The following KAT6A variants were observed in gnomAD, a reference collection of about 807,000 sequenced individuals.
The protein encoded by KAT6A is histone acetyltransferase KAT6A.
A neutral mutation model predicts 198.4 loss-of-function variants in KAT6A; 9 were observed. That is an observed-to-expected ratio of 0.05 (90% CI 0.03 to 0.08). The LOEUF (loss-of-function observed/expected upper bound fraction) is 0.08, where lower values mean the gene tolerates loss of function less well. Among genes scored for constraint, KAT6A ranks in the 10% least tolerant of loss-of-function variants. The probability of loss-of-function intolerance (pLI) is 1.00; values close to 1 mark genes in which losing one functional copy is unlikely to be tolerated. For missense variants in KAT6A, 2,077 were observed against 2,509.9 expected (o/e 0.83, Z 3.69); for synonymous variants, 890 against 883.0 (o/e 1.01, Z -0.14).
intron 2 of KAT6A, among the ~76,000 whole-genome samples, chr8:41,996,465 C>T (rs993484768): frequency 6.6e-6 from 1 of 152,184 alleles, no homozygotes; most frequent in Non-Finnish European, 1.5e-5. Context: ...TGAGCACATC[C>T]TACCATAGAT....
intron 2 of KAT6A, among the ~76,000 whole-genome samples, chr8:42,004,616 C>T (rs1384297324): frequency 6.6e-6 from 1 of 152,076 alleles, no homozygotes; most frequent in Non-Finnish European, 1.5e-5. Flanking sequence ...ATTCACAATG[C>T]TGATCGACAG....
intron 3 of KAT6A, among the ~76,000 whole-genome samples, chr8:41,983,729 T>TATA (rs1450053545): frequency 3.9e-5 from 6 of 152,226 alleles, no homozygotes; most frequent in African/African-American, 9.6e-5. Context: ...AAAACTATGA[T>TATA]ATAATATGCA....
Position 41,934,411 on chromosome 8 carries a change from A to C in KAT6A, c.3809T>G (p.Val1270Gly), listed in dbSNP as rs535709534. Reference sequence around the variant, plus strand: ...ACGGGGCTTCTCTTCTTCCTCCTCCACCTCAGGCTCCTTGGTTTCGGTCTC... The same window carrying C: ...ACGGGGCTTCTCTTCTTCCTCCTCCCCCTCAGGCTCCTTGGTTTCGGTCTC... Reference protein sequence around the residue: ...SPETETKEPEVEEEEEKPRVS... With the variant: ...SPETETKEPEGEEEEEKPRVS... Residue 1270 changes from valine to glycine, a missense_variant, in exon 17 of 17, where the codon GTG becomes GGG. Around this residue, in one of 13 missense-constraint regions of KAT6A, gnomAD observed 375 missense variants for 383.0 expected, o/e 0.98. Coordinates refer to ENST00000265713, the MANE Select transcript of KAT6A (RefSeq NM_006766.5). 37 of 1,610,198 alleles carry C rather than the reference A, an allele frequency of 2.3e-5. No homozygotes were observed. In the Admixed American group the frequency reaches 4.7e-4, roughly 21 times the overall value.
chr8:41,959,809 T>C (rs187171171), intron 8 of KAT6A, among the ~76,000 whole-genome samples: 3 of 151,944 alleles, frequency 2.0e-5, no homozygotes, highest in Non-Finnish European at 4.4e-5. Flanking sequence ...ATACAATAAT[T>C]AGCTGGGTGT....
chr8:41,953,330 C>T (rs11991402), intron 9 of KAT6A, among the ~76,000 whole-genome samples: 41,658 of 151,998 alleles, frequency 0.27, 6,816 homozygotes, highest in African/African-American at 0.43. Context: ...CTATAGTCTC[C>T]GGAACAGTTG....
chr8:41,957,079 C>G (rs369125173), intron 8 of KAT6A: 113 of 601,858 alleles, frequency 1.9e-4, no homozygotes, highest in Admixed American at 5.4e-4. Context: ...GTTTGAGGGT[C>G]TTCCCATCAG....
chr8:41,964,405 C>T (rs1823355302), intron 8 of KAT6A, among the ~76,000 whole-genome samples: 1 of 152,092 alleles, frequency 6.6e-6, no homozygotes, highest in South Asian at 2.1e-4. Flanking sequence ...ACTGGGAATA[C>T]ACCTTTCCAA....
At chr8:41,962,283 C>T (rs978168750) in intron 8 of KAT6A, among the ~76,000 whole-genome samples, 1 of 152,056 alleles carries the variant, frequency 6.6e-6, no homozygotes, top group African/African-American at 2.4e-5. Flanking sequence ...CTTTGAACTC[C>T]AGAGACACAT....
chr8:41,946,052 G>C (rs1483709737), intron 12 of KAT6A, among the ~76,000 whole-genome samples: 2 of 150,826 alleles, frequency 1.3e-5, no homozygotes, highest in Admixed American at 1.3e-4. Context: ...AAAAAAATTC[G>C]TGTCCAACCA....
chr8:41,944,112 G>C, intron 12 of KAT6A, 133 bp from the exon 13 acceptor site: 1 of 619,092 alleles, frequency 1.6e-6, no homozygotes, highest in Non-Finnish European at 2.8e-6. Flanking sequence ...AAAAAAAAGA[G>C]AGAAACAAAT....
intron 2 of KAT6A, 30 bp from the exon 3 acceptor site, chr8:41,987,593 A>G (rs1824686741): frequency 1.6e-6 from 2 of 1,248,956 alleles, no homozygotes; most frequent in South Asian, 1.2e-5. Flanking sequence ...TCATTCCAGT[A>G]CTAATACTTT....
At chr8:41,957,993 C>G (rs1467861644) in intron 8 of KAT6A, 3 of 152,210 alleles carry the variant, frequency 2.0e-5, no homozygotes, top group African/African-American at 7.2e-5. Context: ...TCTCACTTGC[C>G]CTTCCCTCTC....
At chr8:41,974,475 G>C (rs1209580252) in intron 8 of KAT6A, 3 of 352,152 alleles carry the variant, frequency 8.5e-6, no homozygotes, top group Non-Finnish European at 1.5e-5. Context: ...AATAAACCAA[G>C]CTTATTTAAT....
At chr8:42,037,887 G>A (rs1323872529) in intron 2 of KAT6A, among the ~76,000 whole-genome samples, 1 of 152,100 alleles carries the variant, frequency 6.6e-6, no homozygotes, top group Non-Finnish European at 1.5e-5. Context: ...TGAAGTGTTA[G>A]TCATAAAGAC....
intron 14 of KAT6A, 195 bp downstream of exon 14, chr8:41,942,598 T>A: frequency 1.6e-6 from 1 of 627,554 alleles, no homozygotes; most frequent in African/African-American, 1.8e-5. Context: ...CTCCTCCTAA[T>A]TGTCCAAGGC....
intron 2 of KAT6A, among the ~76,000 whole-genome samples, chr8:42,013,837 A>G (rs1564065762): frequency 6.6e-6 from 1 of 152,216 alleles, no homozygotes; most frequent in Non-Finnish European, 1.5e-5. Context: ...GTCAAGAGGG[A>G]AGTAAAAAGT....
intron 12 of KAT6A, 92 bp downstream of exon 12, chr8:41,946,485 TATATATATACACAC>T (rs1270156049): frequency 3.7e-5 from 14 of 379,340 alleles, no homozygotes; most frequent in Non-Finnish European, 6.2e-5. Flanking sequence ...TCTTTAAATA[TATATATATACACAC>T]ACACACACAC....
chr8:41,933,063 C>T lies in KAT6A; in HGVS notation c.5157G>A (p.Glu1719=). 2 of 1,612,902 alleles carry T rather than the reference C, an allele frequency of 1.2e-6. No individual in the cohort carries two copies. The highest frequency in any genetic ancestry group is 1.7e-6 in the Non-Finnish European group (2 of 1,179,854). ...NSFTPAPMIM[E]IPESGSTGNI... ...TCCCAGTGCTTCCAGATTCTGGTATCTCCATGATCATAGGAGCTGGGGTGA... is the reference window on the plus strand; with the variant it reads ...TCCCAGTGCTTCCAGATTCTGGTATTTCCATGATCATAGGAGCTGGGGTGA... Residue 1719 remains glutamate, a synonymous_variant, in exon 17 of 17, where the codon GAG becomes GAA. Transcript: ENST00000265713. This position sits in a 1 kb window ranked among gnomAD's most constrained non-coding sequence, Gnocchi z 6.2.
chr8:42,000,938 T>C (rs1157890358), intron 2 of KAT6A, among the ~76,000 whole-genome samples: 1 of 152,192 alleles, frequency 6.6e-6, no homozygotes, highest in Non-Finnish European at 1.5e-5. Context: ...TTCATAACTC[T>C]AAATACATTA....
Sources: gnomAD v4.1 joint callset for allele counts (sites outside exome capture counted in the v4.1 genomes callset) on GRCh38, gnomAD v4.1.1 for gene constraint, gnomAD v4.1.1 regional missense constraint, Gnocchi (gnomAD v3.1) non-coding constraint, MANE v1.5 for transcripts, NCBI Gene and HGNC (gene_info 2026-07-23, HGNC 2026-07-21) for gene names.